The following DENND2B variants were observed in gnomAD, a reference collection of about 807,000 sequenced individuals.
DENND2B encodes DENN domain containing 2B.
In DENND2B, 32 loss-of-function variants were observed where a neutral mutation model predicts 116.0. That is an observed-to-expected ratio of 0.28 (90% confidence interval 0.21 to 0.37). DENND2B has a LOEUF of 0.37. Among genes scored for constraint, DENND2B ranks in the 10% least tolerant of loss-of-function variants. The probability of loss-of-function intolerance (pLI) is 1.00; values close to 1 mark genes in which losing one functional copy is unlikely to be tolerated. For synonymous variants in DENND2B, 588 were observed against 583.9 expected (o/e 1.01, Z -0.10); for missense variants, 1,276 against 1,477.7 (o/e 0.86, Z 2.24).
At chr11:8,909,419 GA>G (rs1225771988) in intron 1 of DENND2B, among the ~76,000 whole-genome samples, 720 of 49,990 alleles carry the variant, frequency 0.014, 5 homozygotes, top group African/African-American at 0.023. Context: ...AGAAGAGGAA[GA>G]GGAAGGAGGA....
At chr11:8,865,951 T>C (rs1444415971) in intron 2 of DENND2B, among the ~76,000 whole-genome samples, 1 of 151,642 alleles carries the variant, frequency 6.6e-6, no homozygotes, top group Non-Finnish European at 1.5e-5. Context: ...GCCCTATTTT[T>C]CTTTTTCTTT....
chr11:8,701,858 C>G (rs1474381122), intron 14 of DENND2B, among the ~76,000 whole-genome samples: 1 of 152,102 alleles, frequency 6.6e-6, no homozygotes, highest in Non-Finnish European at 1.5e-5. Flanking sequence ...ATCATAAATG[C>G]CAGCATTTCA....
At chr11:8,821,919 G>T (rs11042087) in intron 4 of DENND2B, among the ~76,000 whole-genome samples, 1 of 152,042 alleles carries the variant, frequency 6.6e-6, no homozygotes, top group Non-Finnish European at 1.5e-5. Context: ...AGCTTCCCGA[G>T]TAGCTGGGAC....
intron 5 of DENND2B, among the ~76,000 whole-genome samples, chr11:8,717,532 T>G (rs1434188642): frequency 6.6e-6 from 1 of 152,166 alleles, no homozygotes; most frequent in Non-Finnish European, 1.5e-5. Context: ...TTCAACATGG[T>G]GGACATCCTT....
intron 1 of DENND2B, among the ~76,000 whole-genome samples, chr11:8,791,541 C>T (rs561192672): frequency 2.6e-5 from 4 of 151,382 alleles, no homozygotes; most frequent in African/African-American, 7.3e-5. Context: ...CCGAGGCAGG[C>T]GGATCGCTCA....
At chr11:8,718,846 C>T (rs965504974) in intron 4 of DENND2B, 8 of 997,460 alleles carry the variant, frequency 8.0e-6, no homozygotes, top group African/African-American at 7.0e-5. Flanking sequence ...CTCCTGCCCC[C>T]ACCCCTCCAA....
Position 8,730,688 on chromosome 11 carries a change from C to G in DENND2B, c.602G>C (p.Cys201Ser), listed in dbSNP as rs781080238. The G allele has an allele frequency of 4.2e-5, 68 of 1,611,562 alleles. No homozygotes were observed. Among genetic ancestry groups the G allele is most frequent in the Non-Finnish European group, 5.7e-5 (67 of 1,179,636 alleles). The change falls in exon 3 of 20, where the codon TGC (cysteine) becomes TCC (serine). Residue 201 changes from cysteine (C) to serine (S), a missense_variant. Cys to Ser is a moderately radical substitution (Grantham distance 112, BLOSUM62 -1). Coordinates refer to ENST00000313726, the MANE Select transcript of DENND2B (RefSeq NM_213618.2). The surrounding 1 kb of genome is among the most constrained non-coding windows in gnomAD (Gnocchi z 4.1). ...CACGCTGGGACAGCCCAGGCTGGGG[C>G]AGCCCTCACTGGCCGCCCACTCGCT... Reference protein sequence around the residue: ...SGSEWAASEGCPSLGCPSVVP... With the variant: ...SGSEWAASEGSPSLGCPSVVP...
In DENND2B at chr11:8,887,801, C is replaced by T. The variant is rs368214648; in HGVS notation, c.-255-6692G>A. ...CTCTACCTGCTATAATATCCTTTAG[C>T]CAAGGCACCTCAGATAACAATTTGA... On this transcript the variant is annotated intron_variant, in intron 1 of 22. Coordinates refer to the DENND2B transcript ENST00000534127. Among the ~76,000 whole-genome samples the T allele has an allele frequency of 1.6e-4, 25 of 152,284 alleles. No homozygotes were observed. In the East Asian group the frequency reaches 3.9e-3, roughly 24 times the overall value.
intron 1 of DENND2B, chr11:8,774,108 T>C (rs1461568614): frequency 1.0e-6 from 1 of 985,270 alleles, no homozygotes. Context: ...AGATAGTGCA[T>C]GCAAAGGACT....
At chr11:8,698,240 C>T (rs2040807592) in intron 16 of DENND2B, among the ~76,000 whole-genome samples, 1 of 150,818 alleles carries the variant, frequency 6.6e-6, no homozygotes, top group Non-Finnish European at 1.5e-5. Flanking sequence ...TAGGTCTCCC[C>T]AATTCCTCCA....
intron 3 of DENND2B, among the ~76,000 whole-genome samples, chr11:8,856,087 T>C (rs1461470483): frequency 6.6e-6 from 1 of 152,238 alleles, no homozygotes; most frequent in Admixed American, 6.5e-5. Context: ...TGAAGGTTTA[T>C]GGACCAAGCT....
At chr11:8,892,414 G>A (rs1229325226) in intron 1 of DENND2B, among the ~76,000 whole-genome samples, 6 of 152,074 alleles carry the variant, frequency 3.9e-5, no homozygotes, top group African/African-American at 9.7e-5. Flanking sequence ...AACTGAAGGC[G>A]ACAGAGACAC....
intron 3 of DENND2B, among the ~76,000 whole-genome samples, chr11:8,848,886 C>T (rs552840490): frequency 7.2e-4 from 109 of 151,308 alleles, no homozygotes; most frequent in African/African-American, 2.0e-3. Flanking sequence ...AATAAAATGG[C>T]CTCAAGAAAA....
intron 4 of DENND2B, among the ~76,000 whole-genome samples, chr11:8,829,297 T>C (rs2062112732): frequency 6.6e-6 from 1 of 152,098 alleles, no homozygotes; most frequent in Non-Finnish European, 1.5e-5. Context: ...AGCCCCTGGC[T>C]GTGGTGATGA....
intron 3 of DENND2B, chr11:8,839,428 C>G (rs1463308038): frequency 6.6e-6 from 1 of 152,128 alleles, no homozygotes; most frequent in Non-Finnish European, 1.5e-5. Context: ...GAAAGGGCTT[C>G]AAATAGGATC....
chr11:8,735,803 C>T (rs1239872804), intron 2 of DENND2B, among the ~76,000 whole-genome samples: 1 of 152,228 alleles, frequency 6.6e-6, no homozygotes, highest in Non-Finnish European at 1.5e-5. Flanking sequence ...AGGAGGGACA[C>T]AATGGGAGCC....
intron 4 of DENND2B, among the ~76,000 whole-genome samples, chr11:8,824,943 C>A (rs1209799842): frequency 6.6e-6 from 1 of 151,060 alleles, no homozygotes; most frequent in Non-Finnish European, 1.5e-5. Context: ...AAGTGATCTG[C>A]CTGCCTCGGC....
At chr11:8,834,307 G>A (rs573041073) in intron 4 of DENND2B, among the ~76,000 whole-genome samples, 5 of 152,322 alleles carry the variant, frequency 3.3e-5, no homozygotes, top group South Asian at 2.1e-4. Flanking sequence ...CAGCATATGC[G>A]TCCTACAGGA....
chr11:8,842,328 G>A lies in DENND2B; in HGVS notation c.-155-2978C>T, dbSNP rs542683900. On this transcript the variant is annotated intron_variant, in intron 3 of 6. Coordinates refer to the DENND2B transcript ENST00000524757. Reference sequence around the variant, plus strand: ...TACCTTGCTGTGCTGGTCACATTCCGATGACTGCCCTCAATTTCTTTCCAG... The same window carrying A: ...TACCTTGCTGTGCTGGTCACATTCCAATGACTGCCCTCAATTTCTTTCCAG... 8.5e-5 allele frequency among the ~76,000 whole-genome samples: 13 copies of A among 152,266 alleles called. No individual in the cohort carries two copies. The East Asian group carries it at 2.1e-3, about 25-fold the overall frequency.
Sources: gnomAD v4.1 joint callset for allele counts (sites outside exome capture counted in the v4.1 genomes callset) on GRCh38, gnomAD v4.1.1 for gene constraint, Gnocchi (gnomAD v3.1) non-coding constraint, MANE v1.5 for transcripts, NCBI Gene and HGNC (gene_info 2026-07-23, HGNC 2026-07-21) for gene names.